Variants in SERINC2 observed in about 807,000 individuals in gnomAD.
SERINC2 encodes tumor differentially expressed protein 2.
SERINC2 carries 56 observed loss-of-function variants against 54.2 expected under a neutral mutation model. That is an observed-to-expected ratio of 1.03 (90% CI 0.83 to 1.29). The LOEUF is 1.29. Ranked by LOEUF, SERINC2 falls within the 50% of genes most tolerant of loss-of-function variation. The probability of loss-of-function intolerance (pLI) is 0.00; values close to 1 mark genes in which losing one functional copy is unlikely to be tolerated. For missense variants in SERINC2, 614 were observed against 607.4 expected (o/e 1.01, Z -0.12); for synonymous variants, 272 against 253.1 (o/e 1.07, Z -0.71).
intron 2 of SERINC2, among the ~76,000 whole-genome samples, 153 bp downstream of exon 2, chr1:31,424,007 G>A (rs1553133150): frequency 6.6e-6 from 1 of 152,092 alleles, no homozygotes. Context: ...AGGGGAGGAG[G>A]GCTTGAGCCT....
chr1:31,410,966 CAGA>C (rs782338307), upstream of SERINC2, among the ~76,000 whole-genome samples: 66 of 152,262 alleles, frequency 4.3e-4, no homozygotes, highest in Admixed American at 1.5e-3. Flanking sequence ...GATTTCCGTG[CAGA>C]AGATGACTGT....
intron 1 of SERINC2, among the ~76,000 whole-genome samples, chr1:31,417,010 A>G (rs1640796630): frequency 6.6e-6 from 1 of 152,234 alleles, no homozygotes; most frequent in Admixed American, 6.5e-5. Context: ...ATGAGCCACC[A>G]CACCCAGCCT....
At chr1:31,423,574 TG>T in intron 1 of SERINC2, 118 bp from the exon 2 acceptor site, 1 of 1,055,204 alleles carries the variant, frequency 9.5e-7, no homozygotes. Context: ...GGCTGGTGTC[TG>T]GGGAACAGTG....
intron 6 of SERINC2, among the ~76,000 whole-genome samples, chr1:31,427,644 C>T (rs1553133824): frequency 6.6e-6 from 1 of 151,960 alleles, no homozygotes; most frequent in African/African-American, 2.4e-5. Context: ...ATGATGATAG[C>T]CAGTAGTTAG....
In SERINC2 at chr1:31,433,016, G is replaced by A. The variant is rs1553135022; in HGVS notation, c.1063G>A (p.Glu355Lys). Reference protein sequence around the residue: ...RQVNSLMQTEECPPMLDATQQ... With the variant: ...RQVNSLMQTEKCPPMLDATQQ... ...GGTGAACAGCCTGATGCAGACCGAG[G>A]AGTGCCCACCTATGCTAGACGCCAC... The change falls in exon 9 of 10, where the codon GAG becomes AAG. Residue 355 changes from glutamate to lysine, a missense_variant. Physicochemically the swap from Glu to Lys is moderately conservative, Grantham distance 56. Transcript: ENST00000373709. The A allele has an allele frequency of 1.9e-5, 31 of 1,608,768 alleles. No individual in the cohort carries two copies. Among genetic ancestry groups the A allele is most frequent in the Non-Finnish European group, 2.5e-5 (29 of 1,179,170 alleles).
rs1557501528 is a variant in SERINC2 at position 31,432,143 on chromosome 1, TGGAC to T, written c.1014-823_1014-820del. The stretch of plus-strand genomic sequence containing the variant: ...GTTAGGGTGGATAGGGTGGACAGGG[TGGAC>T]AGGGTGGACAGGGTGGATAGGGTGG... On this transcript the variant is annotated intron_variant, in intron 8 of 9. Transcript: ENST00000373709. Among the ~76,000 whole-genome samples the T allele has an allele frequency of 2.2e-4, 31 of 139,190 alleles. 8 individuals are homozygous for T. The highest frequency in any genetic ancestry group is 2.5e-4 in the African/African-American group (9 of 35,470). 91.3% of individuals were successfully genotyped at this position (139,190 alleles called of 152,430 possible).
At chr1:31,419,454 C>T (rs1640855956) in intron 1 of SERINC2, among the ~76,000 whole-genome samples, 1 of 151,976 alleles carries the variant, frequency 6.6e-6, no homozygotes. Flanking sequence ...TAAGTGTTAC[C>T]TACATATTTG....
chr1:31,431,950 AGG>A (rs1557500407), intron 8 of SERINC2, among the ~76,000 whole-genome samples: 1 of 143,088 alleles, frequency 7.0e-6, no homozygotes, highest in African/African-American at 2.6e-5. Flanking sequence ...TAGGGTGGTT[AGG>A]GTGGTTAGGG....
chr1:31,413,863 C>T lies in SERINC2; in HGVS notation c.39+559C>T. ...CCGTCGTTCGTCCGACTGTCTTTGTCCGTCTGCTGTCTTCTGTCCGTCTGC... is the reference window on the plus strand; with the variant it reads ...CCGTCGTTCGTCCGACTGTCTTTGTTCGTCTGCTGTCTTCTGTCCGTCTGC... On this transcript the variant is annotated intron_variant, in intron 1 of 9. Transcript: ENST00000373709. This position sits in a 1 kb window ranked among gnomAD's most constrained non-coding sequence, Gnocchi z 5.0. 1.4e-6 allele frequency: 2 copies of T among 1,430,248 alleles called. No individual in the cohort carries two copies. The highest frequency in any genetic ancestry group is 1.5e-5 in the African/African-American group (1 of 68,438). 88.6% of individuals were successfully genotyped at this position (1,430,248 alleles called of 1,614,324 possible).
chr1:31,431,917 G>A lies in SERINC2; in HGVS notation c.1014-1050G>A, dbSNP rs112186700. Among the ~76,000 whole-genome samples, 215 of 123,818 alleles carry A rather than the reference G, an allele frequency of 1.7e-3. 1 individual carries two copies. The highest frequency in any genetic ancestry group is 3.8e-3 in the African/African-American group (121 of 31,718). The allele number at this position is 123,818 out of a possible 152,430, so 81.2% of individuals were successfully genotyped here. On this transcript the variant is annotated intron_variant, in intron 8 of 9. Coordinates refer to ENST00000373709, the MANE Select transcript of SERINC2 (RefSeq NM_178865.5). ...GGATAGGGTGGATAGGGTGGATAGG[G>A]TGGTTAGGGTGGATAGGGTGGTTAG...
In SERINC2 at chr1:31,433,051, G is replaced by GCA; in HGVS notation, c.1099_1100dup (p.Gln367HisfsTer38). 6.2e-7 allele frequency: 1 copy of GCA among 1,613,058 alleles called. No homozygotes were observed. The highest frequency in any genetic ancestry group is 8.5e-7 in the Non-Finnish European group (1 of 1,179,932). ...CTATGCTAGACGCCACACAGCAGCAGCAGCAGGTGGCAGCCTGTGAGGGCC... is the reference window on the plus strand; with the variant it reads ...CTATGCTAGACGCCACACAGCAGCAGCACAGCAGGTGGCAGCCTGTGAGGGCC... On this transcript the variant is annotated frameshift_variant, in exon 9 of 10. Transcript: ENST00000373709. LOFTEE classifies it high-confidence loss of function.
Position 31,413,320 on chromosome 1 carries a change from GGCGCCCGCCC to G in SERINC2, c.39+21_39+30del. The G allele has an allele frequency of 8.0e-7, 1 of 1,248,734 alleles. No individual in the cohort carries two copies. The highest frequency in any genetic ancestry group is 3.2e-5 in the South Asian group (1 of 30,784). 77.4% of individuals were successfully genotyped at this position (1,248,734 alleles called of 1,614,324 possible). On this transcript the variant is annotated intron_variant, in intron 1 of 9. Coordinates refer to ENST00000373709, the MANE Select transcript of SERINC2 (RefSeq NM_178865.5). The surrounding 1 kb of genome is among the most constrained non-coding windows in gnomAD (Gnocchi z 5.0). Reference sequence around the variant, plus strand: ...GCTCAGCTGCGTGAGTCCCGACCCCGGCGCCCGCCCGCGCGCGCCGCCCGTTCCTGCTGCG... The same window carrying G: ...GCTCAGCTGCGTGAGTCCCGACCCCGGCGCGCGCCGCCCGTTCCTGCTGCG...
chr1:31,413,937 T>C lies in SERINC2; in HGVS notation c.39+633T>C. 6.6e-7 allele frequency: 1 copy of C among 1,522,992 alleles called. No homozygotes were observed. The highest frequency in any genetic ancestry group is 2.6e-5 in the East Asian group (1 of 38,472). The allele number at this position is 1,522,992 out of a possible 1,614,324, so 94.3% of individuals were successfully genotyped here. A position where few individuals can be genotyped will look rare whatever the true frequency, so the allele number is the denominator to read the frequency against. On this transcript the variant is annotated intron_variant, in intron 1 of 9. Transcript: ENST00000373709. This position sits in a 1 kb window ranked among gnomAD's most constrained non-coding sequence, Gnocchi z 5.0. ...TCTCTCTGCGGTCCCTTTACCGTCC[T>C]CAGTCTGGCTCGCGCTGCCTCTCAG...
rs144686302 is a variant in SERINC2 at position 31,429,014 on chromosome 1, G to T, written c.817G>T (p.Val273Phe). The T allele has an allele frequency of 6.2e-7, 1 of 1,613,934 alleles. No individual in the cohort carries two copies. The highest frequency in any genetic ancestry group is 8.5e-7 in the Non-Finnish European group (1 of 1,179,952). ...QPNSGLLQAS[V>F]ITLYTMFVTW... is the part of the protein sequence containing the mutation. The stretch of plus-strand genomic sequence containing the variant: ...CAACTCGGGTCTGCTGCAGGCCTCG[G>T]TCATCACCCTCTACACCATGTTTGT... The change falls in exon 7 of 10, where the codon GTC becomes TTC. Residue 273 changes from valine (V) to phenylalanine (F), a missense_variant. Physicochemically the swap from Val to Phe is conservative, Grantham distance 50. Transcript: ENST00000373709.
At chr1:31,430,879 C>G (rs868994146) in intron 8 of SERINC2, among the ~76,000 whole-genome samples, 1 of 152,208 alleles carries the variant, frequency 6.6e-6, no homozygotes, top group African/African-American at 2.4e-5. Context: ...CTCCCCTGAT[C>G]TCCCCGATCC....
chr1:31,410,963 G>A (rs538440436), upstream of SERINC2, among the ~76,000 whole-genome samples: 140 of 152,304 alleles, frequency 9.2e-4, no homozygotes, highest in African/African-American at 3.2e-3. Flanking sequence ...AAGGATTTCC[G>A]TGCAGAAGAT....
At chr1:31,423,590 C>A in intron 1 of SERINC2, 103 bp from the exon 2 acceptor site, 1 of 1,225,086 alleles carries the variant, frequency 8.2e-7, no homozygotes, top group South Asian at 1.4e-5. Context: ...ACAGTGTGCT[C>A]CTGCCTAGCG....
intron 1 of SERINC2, among the ~76,000 whole-genome samples, chr1:31,422,536 G>A (rs1553132867): frequency 6.6e-6 from 1 of 152,082 alleles, no homozygotes; most frequent in East Asian, 1.9e-4. Flanking sequence ...AACCTAGGCT[G>A]CATTAGCACT....
At position 31,432,987 on chromosome 1, in the gene SERINC2, G is replaced by A. The variant is rs146836894; in HGVS notation, c.1034G>A (p.Arg345Gln). Residue 345 changes from arginine to glutamine, a missense_variant, in exon 9 of 10, where the codon CGG becomes CAG. Physicochemically the swap from Arg to Gln is conservative, Grantham distance 43 (BLOSUM62 1). Transcript: ENST00000373709. ...TGCAGTCTGCGCTCCTCAGACCACC[G>A]GCAGGTGAACAGCCTGATGCAGACC... ...LFISLRSSDH[R>Q]QVNSLMQTEE... 9.8e-5 allele frequency: 158 copies of A among 1,611,708 alleles called. No homozygotes were observed. Among genetic ancestry groups the A allele is most frequent in the Middle Eastern group, 5.0e-4 (3 of 6,024 alleles).
Sources: gnomAD v4.1 joint callset for allele counts (sites outside exome capture counted in the v4.1 genomes callset) on GRCh38, gnomAD v4.1.1 for gene constraint, Gnocchi (gnomAD v3.1) non-coding constraint, MANE v1.5 for transcripts, NCBI Gene and HGNC (gene_info 2026-07-23, HGNC 2026-07-21) for gene names.